ADGRG4: variants seen among roughly 807,000 people sequenced by gnomAD.
ADGRG4 encodes the protein G protein-coupled receptor 112.
In ADGRG4, 122 loss-of-function variants were observed where a neutral mutation model predicts 126.2. The observed-to-expected ratio is 0.97, with a 90% CI of 0.83 to 1.12. The LOEUF (loss-of-function observed/expected upper bound fraction) is 1.12, where lower values mean the gene tolerates loss of function less well. Ranked by LOEUF, ADGRG4 falls within the 50% of genes most tolerant of loss-of-function variation. The pLI is 0.00. For synonymous variants in ADGRG4, 943 were observed against 838.7 expected (o/e 1.12, Z -2.15); for missense variants, 2,481 against 2,251.8 (o/e 1.10, Z -2.06).
Position 136,345,696 on chromosome X carries a change from C to T in ADGRG4, c.1990C>T (p.Leu664=), listed in dbSNP as rs1403068001. The T allele has an allele frequency of 8.3e-7, 1 of 1,211,412 alleles. No homozygotes were observed. Among genetic ancestry groups the T allele is most frequent in the South Asian group, 1.8e-5 (1 of 56,942 alleles). The part of the protein sequence containing the change: ...TIWTSRPDQA[L]LASMNTTTIL... ...TTGGACTTCTAGGCCAGACCAGGCC[C>T]TGCTGGCATCTATGAACACAACCAC... is the stretch of plus-strand genomic sequence containing the variant. The change falls in exon 6 of 26, where the codon CTG becomes TTG. Residue 664 remains leucine (L), a synonymous_variant. Transcript: ENST00000394143.
intron 15 of ADGRG4, among the ~76,000 whole-genome samples, chrX:136,374,218 C>T (rs931259567): frequency 1.0e-4 from 11 of 108,266 alleles, no homozygotes; most frequent in African/African-American, 3.7e-4. Context: ...CTTTTTATTG[C>T]TGAATAATAT....
chrX:136,323,688 G>A (rs1054553971), intron 5 of ADGRG4, among the ~76,000 whole-genome samples: 3 of 110,757 alleles, frequency 2.7e-5, no homozygotes, highest in African/African-American at 9.9e-5. Context: ...ATATCTCAGT[G>A]TGTATTTCCT....
At chrX:136,363,628 T>C in intron 13 of ADGRG4, 33 bp downstream of exon 13, 1 of 940,482 alleles carries the variant, frequency 1.1e-6, no homozygotes, top group Non-Finnish European at 1.5e-6. Flanking sequence ...AGACAAATTA[T>C]GGAACTTCAA....
intron 22 of ADGRG4, among the ~76,000 whole-genome samples, 168 bp from the exon 23 acceptor site, chrX:136,405,523 GT>G (rs771925054): frequency 4.5e-5 from 5 of 111,614 alleles, no homozygotes; most frequent in African/African-American, 1.6e-4. Flanking sequence ...GGAGATTGAG[GT>G]TTTTGTCCCA....
chrX:136,360,563 CA>C (rs1166005378), intron 11 of ADGRG4, among the ~76,000 whole-genome samples: 3 of 110,743 alleles, frequency 2.7e-5, no homozygotes, highest in Non-Finnish European at 5.7e-5. Context: ...GGCAACAAAG[CA>C]AGACGCTGTC....
At chrX:136,304,627 G>A (rs760154223) in intron 2 of ADGRG4, among the ~76,000 whole-genome samples, 1 of 112,390 alleles carries the variant, frequency 8.9e-6, no homozygotes, top group South Asian at 3.7e-4. Context: ...CTGTCCTCAG[G>A]AAGCTTACAC....
intron 14 of ADGRG4, 79 bp from the exon 15 acceptor site, chrX:136,372,823 C>A (rs1458118957): frequency 2.1e-6 from 2 of 974,771 alleles, no homozygotes; most frequent in Non-Finnish European, 2.9e-6. Flanking sequence ...AAAAGTCTTG[C>A]AATAAGGAAA....
rs376235508 is a variant in ADGRG4 at position 136,348,965 on chromosome X, T to C, written c.5259T>C (p.Pro1753=). Residue 1753 remains proline, a synonymous_variant, in exon 6 of 26, where the codon CCT becomes CCC. Transcript: ENST00000394143. ...RITVPENMLS[P]THADSLHTSF... ...CTGTTCCTGAAAATATGCTTTCACC[T>C]ACTCATGCAGATAGTCTCCATACTT... 4.1e-6 allele frequency: 5 copies of C among 1,209,253 alleles called. No homozygotes were observed. The highest frequency in any genetic ancestry group is 4.5e-6 in the Non-Finnish European group (4 of 893,604).
At chrX:136,412,649 T>C (rs2075452465) in intron 24 of ADGRG4, among the ~76,000 whole-genome samples, 1 of 112,383 alleles carries the variant, frequency 8.9e-6, no homozygotes, top group African/African-American at 3.2e-5. Context: ...AAAAGAACAC[T>C]GAATGCGTGC....
chrX:136,318,302 T>G (rs1400771735), intron 4 of ADGRG4, among the ~76,000 whole-genome samples: 1 of 111,746 alleles, frequency 8.9e-6, no homozygotes, highest in Non-Finnish European at 1.9e-5. Flanking sequence ...ATTGTCTAAC[T>G]CCCTTTATAT....
rs1192167037 is a variant in ADGRG4 at position 136,317,679 on chromosome X, G to A, written c.71-5099G>A. 2.7e-5 allele frequency among the ~76,000 whole-genome samples: 3 copies of A among 111,165 alleles called. No homozygotes were observed. In the East Asian group the frequency reaches 8.4e-4, roughly 31 times the overall value. ...TACAGAATTGGAGAAAATATTTGCA[G>A]GTCATCTATCTGATAAGGTTCTGGT... is the stretch of plus-strand genomic sequence containing the variant. On this transcript the variant is annotated intron_variant, in intron 4 of 25. Coordinates refer to ENST00000394143, the MANE Select transcript of ADGRG4 (RefSeq NM_153834.4).
chrX:136,341,372 C>T (rs1268540379), intron 5 of ADGRG4, among the ~76,000 whole-genome samples: 1 of 112,459 alleles, frequency 8.9e-6, no homozygotes, highest in Non-Finnish European at 1.9e-5. Flanking sequence ...GAATTGTGAA[C>T]TCTTCTCTCA....
intron 15 of ADGRG4, among the ~76,000 whole-genome samples, chrX:136,374,700 G>T (rs945855892): frequency 7.2e-5 from 8 of 111,811 alleles, no homozygotes; most frequent in African/African-American, 2.0e-4. Context: ...AAAATGCTGG[G>T]ATTACAGGTG....
At chrX:136,406,743 G>A (rs775544476) in intron 23 of ADGRG4, among the ~76,000 whole-genome samples, 4 of 110,377 alleles carry the variant, frequency 3.6e-5, no homozygotes, top group Non-Finnish European at 5.7e-5. Context: ...GTGAAACCCC[G>A]TCTCTACTAA....
Position 136,368,320 on chromosome X carries a change from T to C in ADGRG4, c.7397-3008T>C, listed in dbSNP as rs1460327484. Among the ~76,000 whole-genome samples, 11 of 112,475 alleles carry C rather than the reference T, an allele frequency of 9.8e-5. No homozygotes were observed. The Admixed American group carries it at 1.0e-3, about 11-fold the overall frequency. On this transcript the variant is annotated intron_variant, in intron 13 of 25. Coordinates refer to ENST00000394143, the MANE Select transcript of ADGRG4 (RefSeq NM_153834.4). ...GCACATATAATGCCTTGCTGTTGTA[T>C]CTACCTCCAAAATGCCCACCGACTC... is the stretch of plus-strand genomic sequence containing the variant.
At chrX:136,393,478 T>C in intron 17 of ADGRG4, 57 bp from the exon 18 acceptor site, 1 of 985,179 alleles carries the variant, frequency 1.0e-6, no homozygotes, top group Non-Finnish European at 1.4e-6. Flanking sequence ...GTGTATATGT[T>C]ACTATATGGT....
chrX:136,331,978 G>A (rs1414639127), intron 5 of ADGRG4, among the ~76,000 whole-genome samples: 5 of 107,966 alleles, frequency 4.6e-5, no homozygotes, highest in Non-Finnish European at 9.6e-5. Flanking sequence ...CAACACGCCC[G>A]ACTAATTTTT....
Position 136,412,656 on chromosome X carries a change from G to A in ADGRG4, c.9037+290G>A, listed in dbSNP as rs942485182. Among the ~76,000 whole-genome samples, 4 of 112,353 alleles carry A rather than the reference G, an allele frequency of 3.6e-5. No individual in the cohort carries two copies. The Admixed American group carries it at 3.8e-4, about 11-fold the overall frequency. ...ATTCAATTAAAAGAACACTGAATGCGTGCCTACTGTGTTCCAGGCACTGGG... is the reference window on the plus strand; with the variant it reads ...ATTCAATTAAAAGAACACTGAATGCATGCCTACTGTGTTCCAGGCACTGGG... On this transcript the variant is annotated intron_variant, in intron 24 of 25. Coordinates refer to ENST00000394143, the MANE Select transcript of ADGRG4 (RefSeq NM_153834.4).
At chrX:136,303,526 A>T (rs1372282767) in intron 1 of ADGRG4, among the ~76,000 whole-genome samples, 1 of 112,332 alleles carries the variant, frequency 8.9e-6, no homozygotes, top group East Asian at 2.8e-4. Context: ...TGTGATGTTT[A>T]AAAACATGTA....
Sources: gnomAD v4.1 joint callset for allele counts (sites outside exome capture counted in the v4.1 genomes callset) on GRCh38, gnomAD v4.1.1 for gene constraint, MANE v1.5 for transcripts, NCBI Gene and HGNC (gene_info 2026-07-23, HGNC 2026-07-21) for gene names.